Variants in SEL1L3 observed in about 807,000 individuals in gnomAD.
SEL1L3 encodes SEL1L family member 3, also known as protein sel-1 homolog 3.
In SEL1L3, 76 loss-of-function variants were observed where a neutral mutation model predicts 142.8. The observed-to-expected ratio is 0.53, with a 90% CI of 0.44 to 0.64. The LOEUF (loss-of-function observed/expected upper bound fraction) is 0.64, where lower values mean the gene tolerates loss of function less well. SEL1L3 is among the 30% of genes least tolerant of loss of function. The pLI, the probability that SEL1L3 is intolerant of heterozygous loss-of-function variation, is 0.00. For synonymous variants in SEL1L3, 504 were observed against 519.6 expected (o/e 0.97, Z 0.41); for missense variants, 1,262 against 1,381.7 (o/e 0.91, Z 1.37).
At chr4:25,790,232 A>G (rs1271170444) in intron 12 of SEL1L3, among the ~76,000 whole-genome samples, 6 of 152,198 alleles carry the variant, frequency 3.9e-5, no homozygotes, top group African/African-American at 1.2e-4. Flanking sequence ...CGCTATGGCC[A>G]TGGCCCGACT....
intron 6 of SEL1L3, among the ~76,000 whole-genome samples, chr4:25,824,940 A>G (rs1252328164): frequency 6.6e-6 from 1 of 152,144 alleles, no homozygotes; most frequent in Non-Finnish European, 1.5e-5. Flanking sequence ...TTTCACAAGT[A>G]TCTTTGCTTT....
chr4:25,811,911 C>T (rs1454459642), intron 9 of SEL1L3, among the ~76,000 whole-genome samples: 1 of 152,124 alleles, frequency 6.6e-6, no homozygotes, highest in African/African-American at 2.4e-5. Context: ...TACGACAGAA[C>T]TTAGTGAATA....
At chr4:25,826,713 AG>A in intron 6 of SEL1L3, among the ~76,000 whole-genome samples, 1 of 152,152 alleles carries the variant, frequency 6.6e-6, no homozygotes, top group African/African-American at 2.4e-5. Context: ...GTTTTGTGGC[AG>A]GGTCTCGCTC....
At chr4:25,735,547 A>G in the SEL1L3 span, among the ~76,000 whole-genome samples, 8 of 150,036 alleles carry the variant, frequency 5.3e-5, no homozygotes, top group East Asian at 1.4e-3. Context: ...TTTCTTTATT[A>G]TATTTTCCTT....
chr4:25,839,736 G>C (rs1036037792), intron 2 of SEL1L3, among the ~76,000 whole-genome samples: 1 of 152,180 alleles, frequency 6.6e-6, no homozygotes, highest in Non-Finnish European at 1.5e-5. Context: ...AAACTTACTC[G>C]TTCCCCTAAA....
intron 23 of SEL1L3, among the ~76,000 whole-genome samples, chr4:25,749,971 C>T (rs796628693): frequency 5.6e-4 from 86 of 152,298 alleles, no homozygotes; most frequent in African/African-American, 1.9e-3. Flanking sequence ...CCGTGGCTCA[C>T]GCCTGTAATC....
chr4:25,835,406 C>T, intron 2 of SEL1L3, 83 bp from the exon 3 acceptor site: 1 of 1,479,100 alleles, frequency 6.8e-7, no homozygotes. Flanking sequence ...AAAGCCTCTG[C>T]TGAGCTCCAA....
At chr4:25,722,997 G>A in the SEL1L3 span, among the ~76,000 whole-genome samples, 22,895 of 152,124 alleles carry the variant, frequency 0.15, 1,926 homozygotes, top group African/African-American at 0.23. Context: ...GACAAGGAGA[G>A]TGTCCCGGCC....
chr4:25,753,233 T>C (rs1717717199), intron 23 of SEL1L3, among the ~76,000 whole-genome samples: 1 of 152,256 alleles, frequency 6.6e-6, no homozygotes, highest in Non-Finnish European at 1.5e-5. Flanking sequence ...ATGAAGGTAG[T>C]TGGAGCTGAA....
At chr4:25,800,600 G>A (rs965764525) in intron 11 of SEL1L3, among the ~76,000 whole-genome samples, 1 of 151,902 alleles carries the variant, frequency 6.6e-6, no homozygotes, top group African/African-American at 2.4e-5. Context: ...ACACATCCAG[G>A]CTTAGTTAAA....
intron 17 of SEL1L3, among the ~76,000 whole-genome samples, chr4:25,775,252 G>A (rs1341902020): frequency 6.6e-6 from 1 of 152,200 alleles, no homozygotes; most frequent in African/African-American, 2.4e-5. Context: ...ACTTTCACAG[G>A]ATGATGATAA....
At chr4:25,727,292 T>G in the SEL1L3 span, among the ~76,000 whole-genome samples, 1 of 152,110 alleles carries the variant, frequency 6.6e-6, no homozygotes, top group South Asian at 2.1e-4. Flanking sequence ...GACCTCGTGA[T>G]CCGCCCTCCT....
intron 1 of SEL1L3, among the ~76,000 whole-genome samples, chr4:25,849,259 G>T (rs934864470): frequency 6.6e-6 from 1 of 152,192 alleles, no homozygotes; most frequent in Non-Finnish European, 1.5e-5. Flanking sequence ...CATTACTCAC[G>T]CTAGCCAAAA....
At chr4:25,720,059 T>C in the SEL1L3 span, 2 of 152,234 alleles carry the variant, frequency 1.3e-5, no homozygotes, top group Non-Finnish European at 2.9e-5. Flanking sequence ...CATAATCTAA[T>C]GAGTTGAAAT....
At chr4:25,733,886 T>G in the SEL1L3 span, among the ~76,000 whole-genome samples, 1 of 152,194 alleles carries the variant, frequency 6.6e-6, no homozygotes, top group Non-Finnish European at 1.5e-5. Context: ...CATCCTTGCT[T>G]TGTTCCAAAT....
At chr4:25,781,882 T>A (rs6826169) in intron 15 of SEL1L3, among the ~76,000 whole-genome samples, 1 of 152,070 alleles carries the variant, frequency 6.6e-6, no homozygotes, top group Non-Finnish European at 1.5e-5. Context: ...CTGGACTTAG[T>A]TCTCTTTGCT....
At chr4:25,799,222 G>A (rs980311315) in intron 11 of SEL1L3, among the ~76,000 whole-genome samples, 6 of 152,012 alleles carry the variant, frequency 3.9e-5, no homozygotes, top group Non-Finnish European at 4.4e-5. Flanking sequence ...TGACAGATGC[G>A]CACCACCATG....
chr4:25,714,852 G>A, the SEL1L3 span, among the ~76,000 whole-genome samples: 2 of 152,058 alleles, frequency 1.3e-5, no homozygotes, highest in Non-Finnish European at 2.9e-5. Context: ...GATTACAGGT[G>A]TGAGCCACCG....
intron 3 of SEL1L3, 75 bp from the exon 4 acceptor site, chr4:25,833,644 CA>C: frequency 1.5e-6 from 2 of 1,319,788 alleles, no homozygotes. Context: ...TAACAATGAC[CA>C]AGTAAATTGC....
Sources: gnomAD v4.1 joint callset for allele counts (sites outside exome capture counted in the v4.1 genomes callset) on GRCh38, gnomAD v4.1.1 for gene constraint, MANE v1.5 for transcripts, NCBI Gene and HGNC (gene_info 2026-07-23, HGNC 2026-07-21) for gene names.